Variants in AVEN observed in about 807,000 individuals in gnomAD.
AVEN encodes the protein apoptosis and caspase activation inhibitor.
AVEN carries 41 observed loss-of-function variants against 38.1 expected under a neutral mutation model. The ratio of observed to expected loss-of-function variants is 1.08; its 90% CI spans 0.84 to 1.40. The LOEUF is 1.40. AVEN is among the 40% of genes most tolerant of loss of function. AVEN has a pLI of 0.00. For synonymous variants in AVEN, 206 were observed against 171.8 expected, an observed-to-expected ratio of 1.20 and a Z score of -1.56; for missense variants, 605 against 438.8, an observed-to-expected ratio of 1.38 and a Z score of -3.38.
intron 3 of AVEN, among the ~76,000 whole-genome samples, chr15:33,872,683 C>G (rs1284716218): frequency 6.6e-6 from 1 of 152,126 alleles, no homozygotes; most frequent in East Asian, 1.9e-4. Flanking sequence ...GGAAGTCCTA[C>G]TGGATAAGTC....
intron 1 of AVEN, among the ~76,000 whole-genome samples, chr15:34,036,724 A>G (rs1350716470): frequency 6.6e-6 from 1 of 152,224 alleles, no homozygotes; most frequent in Non-Finnish European, 1.5e-5. Context: ...CCAACTCGAC[A>G]AAAGAAAAAG....
upstream of AVEN, among the ~76,000 whole-genome samples, chr15:34,075,181 C>T (rs868272782): frequency 3.0e-5 from 2 of 67,294 alleles, no homozygotes; most frequent in African/African-American, 5.4e-5. Context: ...GACTCTGGCT[C>T]AAAAAAAAAA....
At chr15:33,859,281 G>C (rs1443383319) in intron 11 of AVEN, among the ~76,000 whole-genome samples, 5 of 152,204 alleles carry the variant, frequency 3.3e-5, no homozygotes, top group Non-Finnish European at 5.9e-5. Context: ...ATATGGCATA[G>C]GCCATACTCA....
chr15:34,038,894 C>T lies in AVEN; in HGVS notation c.153G>A (p.Arg51=). Residue 51 remains arginine, a synonymous_variant, in exon 1 of 6, where the codon CGG becomes CGA. Coordinates refer to ENST00000306730, the MANE Select transcript of AVEN (RefSeq NM_020371.3). The part of the protein sequence containing the change: ...GGGGGDGGGR[R]GRGRGRGFRG... ...GGAAGCCCCGGCCACGGCCACGGCCCCGGCGTCCGCCTCCGTCCCCGCCGC... is the reference window on the plus strand; with the variant it reads ...GGAAGCCCCGGCCACGGCCACGGCCTCGGCGTCCGCCTCCGTCCCCGCCGC... 1.8e-6 allele frequency: 2 copies of T among 1,131,730 alleles called. No individual in the cohort carries two copies. The highest frequency in any genetic ancestry group is 4.9e-5 in the Admixed American group (1 of 20,292). The allele number at this position is 1,131,730 out of a possible 1,614,324, so 70.1% of individuals were successfully genotyped here. A position where few individuals can be genotyped will look rare whatever the true frequency, so the allele number is the denominator to read the frequency against.
intron 5 of AVEN, among the ~76,000 whole-genome samples, chr15:34,055,730 G>A (rs1900119012): frequency 6.6e-6 from 1 of 151,842 alleles, no homozygotes; most frequent in Non-Finnish European, 1.5e-5. Context: ...GAACCCGGGA[G>A]GTGGAGCTTG....
At chr15:34,049,745 C>T (rs566801613) in intron 5 of AVEN, among the ~76,000 whole-genome samples, 47 of 151,924 alleles carry the variant, frequency 3.1e-4, no homozygotes, top group African/African-American at 1.1e-3. Flanking sequence ...GATTCTCCAA[C>T]GTTGAAATGA....
chr15:33,988,069 G>A (rs1476454212), intron 2 of AVEN, among the ~76,000 whole-genome samples: 1 of 152,224 alleles, frequency 6.6e-6, no homozygotes. Flanking sequence ...AGGCCTGGCT[G>A]CAGCTCCCAA....
chr15:34,029,663 A>G (rs936034653), intron 1 of AVEN, among the ~76,000 whole-genome samples: 2 of 152,214 alleles, frequency 1.3e-5, no homozygotes, highest in Non-Finnish European at 2.9e-5. Flanking sequence ...GAAGGACACC[A>G]AGGGAAAATA....
chr15:33,870,914 A>G, intron 4 of AVEN, 21 bp downstream of exon 4: 1 of 1,594,298 alleles, frequency 6.3e-7, no homozygotes, highest in Non-Finnish European at 8.6e-7. Context: ...ACCCGCTTCA[A>G]GAGGGCTTCG....
chr15:33,923,041 C>T (rs1374816729), intron 2 of AVEN, among the ~76,000 whole-genome samples: 1 of 151,948 alleles, frequency 6.6e-6, no homozygotes, highest in Non-Finnish European at 1.5e-5. Flanking sequence ...TATGAGTTAA[C>T]CTGATTTAGA....
rs575751965 is a variant in AVEN at position 33,875,153 on chromosome 15, G to A, written c.516+772C>T. On this transcript the variant is annotated intron_variant, in intron 3 of 5. Transcript: ENST00000306730. ...ACCCACAGCACATACGCTGATGTGG[G>A]AGCAGAACAGGGAGGACAGTGCCTA... Among the ~76,000 whole-genome samples, 4 of 152,280 alleles carry A rather than the reference G, an allele frequency of 2.6e-5. No homozygotes were observed. In the South Asian group the frequency reaches 8.3e-4, roughly 32 times the overall value.
intron 1 of AVEN, among the ~76,000 whole-genome samples, chr15:34,005,612 G>A (rs1158658518): frequency 6.6e-6 from 1 of 152,144 alleles, no homozygotes; most frequent in Non-Finnish European, 1.5e-5. Context: ...CACAGGGTTT[G>A]GATAATGAAG....
chr15:33,990,148 G>A (rs1896656778), intron 2 of AVEN, among the ~76,000 whole-genome samples: 1 of 151,982 alleles, frequency 6.6e-6, no homozygotes, highest in Non-Finnish European at 1.5e-5. Flanking sequence ...AGGTTGCAGT[G>A]AGCCGAGATT....
chr15:34,037,414 T>A (rs1223798979), intron 1 of AVEN, among the ~76,000 whole-genome samples: 1 of 151,730 alleles, frequency 6.6e-6, no homozygotes, highest in African/African-American at 2.4e-5. Flanking sequence ...TGCCACTAGC[T>A]GTGAAAGCTT....
chr15:33,910,938 T>C (rs1210119875), intron 2 of AVEN, among the ~76,000 whole-genome samples: 1 of 152,182 alleles, frequency 6.6e-6, no homozygotes, highest in Non-Finnish European at 1.5e-5. Context: ...GTCAAGATCA[T>C]AAATATTCTC....
intron 2 of AVEN, among the ~76,000 whole-genome samples, chr15:33,997,479 C>A (rs1362452655): frequency 1.3e-5 from 2 of 152,150 alleles, no homozygotes; most frequent in African/African-American, 4.8e-5. Context: ...AACTCACAGC[C>A]AGGCACACCC....
In AVEN at chr15:33,943,046, T is replaced by G. The variant is rs528659947; in HGVS notation, c.445+59986A>C. 5.9e-5 allele frequency among the ~76,000 whole-genome samples: 9 copies of G among 152,280 alleles called. No individual in the cohort carries two copies. In the East Asian group the frequency reaches 1.7e-3, roughly 29 times the overall value. On this transcript the variant is annotated intron_variant, in intron 2 of 5. Coordinates refer to ENST00000306730, the MANE Select transcript of AVEN (RefSeq NM_020371.3). ...ATGGTGCAACTGCTATAGAAAACAG[T>G]AAGGAAGTTCCTCAAGAAATCCAAA...
chr15:34,047,873 C>T (rs1302584013), intron 5 of AVEN, among the ~76,000 whole-genome samples: 1 of 152,134 alleles, frequency 6.6e-6, no homozygotes, highest in Non-Finnish European at 1.5e-5. Flanking sequence ...CTCAGCCTCC[C>T]GCACCCTGTT....
chr15:33,929,503 CTACCCAAGTAAAAGAGGCTAGTT>C (rs796665701), intron 2 of AVEN, among the ~76,000 whole-genome samples: 15 of 152,312 alleles, frequency 9.8e-5, no homozygotes, highest in African/African-American at 3.6e-4. Context: ...GCCTTGTGAG[CTACCCAAGTAAAAGAGGCTAGTT>C]TACAAGGCTG....
Sources: gnomAD v4.1 joint callset for allele counts (sites outside exome capture counted in the v4.1 genomes callset) on GRCh38, gnomAD v4.1.1 for gene constraint, MANE v1.5 for transcripts, NCBI Gene and HGNC (gene_info 2026-07-23, HGNC 2026-07-21) for gene names.